PTPRD: variants seen among roughly 807,000 people sequenced by gnomAD.
PTPRD encodes protein tyrosine phosphatase receptor type D, also known as receptor-type tyrosine-protein phosphatase delta.
Under a neutral mutation model 214.5 loss-of-function variants are expected in PTPRD, and 34 were observed. The observed-to-expected ratio is 0.16, with a 90% CI of 0.12 to 0.21. PTPRD has a LOEUF of 0.21. Ranked by LOEUF, PTPRD falls within the 10% of genes least tolerant of loss-of-function variation. The probability of loss-of-function intolerance (pLI) is 1.00; values close to 1 mark genes in which losing one functional copy is unlikely to be tolerated. For missense variants in PTPRD, 2,545 were observed against 2,398.7 expected, an observed-to-expected ratio of 1.06 and a Z score of -1.27; for synonymous variants, 1,128 against 845.7, an observed-to-expected ratio of 1.33 and a Z score of -5.79.
intron 11 of PTPRD, among the ~76,000 whole-genome samples, chr9:8,771,819 T>TAA (rs557495942): frequency 7.0e-6 from 1 of 143,060 alleles, no homozygotes; most frequent in Non-Finnish European, 1.5e-5. Flanking sequence ...TGCATGGCTT[T>TAA]AAAAAAAAAA....
chr9:8,351,612 T>C (rs931453317), intron 39 of PTPRD, among the ~76,000 whole-genome samples: 1 of 151,978 alleles, frequency 6.6e-6, no homozygotes, highest in Non-Finnish European at 1.5e-5. Flanking sequence ...GTCAGAAGTC[T>C]GGGTGATGTT....
intron 10 of PTPRD, among the ~76,000 whole-genome samples, chr9:9,092,458 T>A (rs1307472167): frequency 6.6e-6 from 1 of 152,090 alleles, no homozygotes; most frequent in African/African-American, 2.4e-5. Flanking sequence ...AGCTACTATA[T>A]TACTCTTATG....
chr9:9,118,244 C>G lies in PTPRD; in HGVS notation c.-143+65060G>C, dbSNP rs146020117. Reference sequence around the variant, plus strand: ...TATGGCAAGCTATCAAAATAATATGCAAGTAAAAATACTGTCTCAATTATT... The same window carrying G: ...TATGGCAAGCTATCAAAATAATATGGAAGTAAAAATACTGTCTCAATTATT... On this transcript the variant is annotated intron_variant, in intron 10 of 45. Coordinates refer to ENST00000381196, the MANE Select transcript of PTPRD (RefSeq NM_002839.4). Among the ~76,000 whole-genome samples, 10 of 152,268 alleles carry G rather than the reference C, an allele frequency of 6.6e-5. No individual in the cohort carries two copies. In the East Asian group the frequency reaches 1.7e-3, roughly 26 times the overall value.
At chr9:9,577,671 G>C (rs2089352224) in intron 7 of PTPRD, among the ~76,000 whole-genome samples, 1 of 152,148 alleles carries the variant, frequency 6.6e-6, no homozygotes, top group Non-Finnish European at 1.5e-5. Context: ...TTATTAAACT[G>C]TCAGAGACTT....
chr9:9,701,143 T>C (rs1595567382), intron 7 of PTPRD, among the ~76,000 whole-genome samples: 1 of 152,070 alleles, frequency 6.6e-6, no homozygotes, highest in South Asian at 2.1e-4. Context: ...GAGATGTGTA[T>C]AACCCATTCT....
At chr9:8,440,306 A>G (rs2095504159) in intron 34 of PTPRD, among the ~76,000 whole-genome samples, 1 of 140,232 alleles carries the variant, frequency 7.1e-6, no homozygotes, top group African/African-American at 2.7e-5. Flanking sequence ...CAAATGTACA[A>G]TAGAAATGTA....
At chr9:9,625,259 C>T (rs1031883401) in intron 7 of PTPRD, among the ~76,000 whole-genome samples, 6 of 152,050 alleles carry the variant, frequency 3.9e-5, no homozygotes, top group African/African-American at 1.5e-4. Flanking sequence ...TGGACATGGG[C>T]AAGGGAGCAG....
intron 7 of PTPRD, among the ~76,000 whole-genome samples, chr9:9,672,202 T>C (rs539408106): frequency 6.6e-6 from 1 of 152,186 alleles, no homozygotes; most frequent in African/African-American, 2.4e-5. Flanking sequence ...TGATTCCATA[T>C]TAAAACCACA....
At chr9:9,402,652 G>A in intron 8 of PTPRD, among the ~76,000 whole-genome samples, 1 of 151,858 alleles carries the variant, frequency 6.6e-6, no homozygotes, top group East Asian at 1.9e-4. Flanking sequence ...TTGAGATAAT[G>A]CAATTCCAAA....
At chr9:8,546,733 C>T (rs970775783) in intron 14 of PTPRD, among the ~76,000 whole-genome samples, 15 of 152,094 alleles carry the variant, frequency 9.9e-5, no homozygotes, top group African/African-American at 3.4e-4. Context: ...CTCCTGACCT[C>T]AAGTGATCTG....
intron 2 of PTPRD, among the ~76,000 whole-genome samples, chr9:10,535,393 C>G (rs1255788330): frequency 1.3e-5 from 2 of 152,052 alleles, no homozygotes; most frequent in East Asian, 1.9e-4. Flanking sequence ...TGATTTGGGG[C>G]TGATTCATTA....
intron 35 of PTPRD, among the ~76,000 whole-genome samples, chr9:8,417,533 C>T (rs1387303505): frequency 6.6e-6 from 1 of 152,108 alleles, no homozygotes; most frequent in Non-Finnish European, 1.5e-5. Flanking sequence ...AATAGGATTT[C>T]TAGTAGAATC....
intron 10 of PTPRD, among the ~76,000 whole-genome samples, chr9:9,049,505 G>C (rs948353391): frequency 6.6e-6 from 1 of 152,156 alleles, no homozygotes; most frequent in Non-Finnish European, 1.5e-5. Context: ...AGTAAATGTA[G>C]AAAACATGAC....
chr9:8,677,025 G>C (rs938515383), intron 12 of PTPRD, among the ~76,000 whole-genome samples: 3 of 152,162 alleles, frequency 2.0e-5, no homozygotes, highest in African/African-American at 7.2e-5. Flanking sequence ...GTTATAAAAA[G>C]CCATAATGGA....
intron 3 of PTPRD, among the ~76,000 whole-genome samples, chr9:10,303,034 A>G (rs187023865): frequency 3.3e-5 from 5 of 152,324 alleles, no homozygotes; most frequent in African/African-American, 1.2e-4. Flanking sequence ...CAGGGAATGC[A>G]AAACAATAGC....
intron 7 of PTPRD, among the ~76,000 whole-genome samples, chr9:9,639,152 C>T (rs1343065600): frequency 2.0e-5 from 3 of 152,108 alleles, no homozygotes; most frequent in Non-Finnish European, 4.4e-5. Flanking sequence ...TATTAAATCA[C>T]TTTGATTTGG....
At chr9:10,257,606 T>G (rs1007349027) in intron 3 of PTPRD, among the ~76,000 whole-genome samples, 1 of 152,210 alleles carries the variant, frequency 6.6e-6, no homozygotes, top group Non-Finnish European at 1.5e-5. Flanking sequence ...TATGGTGCCA[T>G]ATACATTTCA....
chr9:9,653,870 A>G (rs573151095), intron 7 of PTPRD, among the ~76,000 whole-genome samples: 96 of 152,322 alleles, frequency 6.3e-4, no homozygotes, highest in African/African-American at 2.3e-3. Flanking sequence ...CTCCCTTATG[A>G]AAGTCTTGAA....
At chr9:10,582,176 GC>G (rs1397240557) in intron 2 of PTPRD, among the ~76,000 whole-genome samples, 1 of 152,098 alleles carries the variant, frequency 6.6e-6, no homozygotes, top group Non-Finnish European at 1.5e-5. Flanking sequence ...AGCTCAAGGT[GC>G]CCCTGGATTA....
Sources: allele counts gnomAD v4.1 joint callset (sites outside exome capture counted in the v4.1 genomes callset), GRCh38; gene constraint gnomAD v4.1.1; transcripts MANE v1.5; gene names NCBI Gene and HGNC (gene_info 2026-07-23, HGNC 2026-07-21).